FANCI: variants seen among roughly 807,000 people sequenced by gnomAD.
The protein encoded by FANCI is FA complementation group I.
Under a neutral mutation model 176.1 loss-of-function variants are expected in FANCI, and 156 were observed. The ratio of observed to expected loss-of-function variants is 0.89; its 90% CI spans 0.78 to 1.01. FANCI has a LOEUF of 1.01. Ranked by LOEUF, FANCI falls within the 50% of genes least tolerant of loss-of-function variation. The pLI is 0.00. For synonymous variants in FANCI, 613 were observed against 541.7 expected (o/e 1.13, Z -1.83); for missense variants, 1,678 against 1,534.1 (o/e 1.09, Z -1.57).
At chr15:89,293,214 C>G in intron 22 of FANCI, 151 bp downstream of exon 22, 2 of 853,598 alleles carry the variant, frequency 2.3e-6, no homozygotes, top group South Asian at 3.1e-5. Context: ...AAACTGTGTT[C>G]TTTCCACTAG....
At chr15:89,286,462 T>A (rs1410336255) in intron 18 of FANCI, among the ~76,000 whole-genome samples, 1 of 152,242 alleles carries the variant, frequency 6.6e-6, no homozygotes, top group Non-Finnish European at 1.5e-5. Context: ...TGGTAGCATA[T>A]GTGAAAACAA....
intron 8 of FANCI, among the ~76,000 whole-genome samples, chr15:89,264,276 C>T (rs558246404): frequency 2.0e-5 from 3 of 152,178 alleles, no homozygotes; most frequent in Admixed American, 6.5e-5. Context: ...ATTTTCTTTG[C>T]GGAGGTAAAA....
intron 24 of FANCI, among the ~76,000 whole-genome samples, chr15:89,296,811 AC>A (rs1193982367): frequency 2.1e-5 from 3 of 139,992 alleles, no homozygotes; most frequent in African/African-American, 8.0e-5. Flanking sequence ...TGGGGGGCTG[AC>A]CCCCCCACCT....
At chr15:89,287,780 G>T (rs1044170832) in intron 18 of FANCI, among the ~76,000 whole-genome samples, 4 of 152,138 alleles carry the variant, frequency 2.6e-5, no homozygotes, top group African/African-American at 9.7e-5. Context: ...GAGGCCTGAG[G>T]AGAGGTGGAG....
At position 89,263,397 on chromosome 15, in the gene FANCI, CTT is replaced by C; in HGVS notation, c.504-20_504-19del. ...TCTAAATAAGTTGTAAAGAAATAAA[CTT>C]TGTCATTTTCTTCTACCAGGTGGGA... On this transcript the variant is annotated intron_variant, in intron 6 of 37. Coordinates refer to ENST00000310775, the MANE Select transcript of FANCI (RefSeq NM_001113378.2). 6.2e-7 allele frequency: 1 copy of C among 1,605,870 alleles called. No homozygotes were observed. The highest frequency in any genetic ancestry group is 1.3e-5 in the African/African-American group (1 of 74,852).
intron 26 of FANCI, among the ~76,000 whole-genome samples, 199 bp from the exon 27 acceptor site, chr15:89,301,127 C>T (rs527738078): frequency 6.6e-6 from 1 of 152,210 alleles, no homozygotes. Flanking sequence ...CAGGAGCATT[C>T]TCAGAGAGGT....
intron 34 of FANCI, among the ~76,000 whole-genome samples, chr15:89,311,502 A>G (rs950021037): frequency 6.6e-6 from 1 of 151,528 alleles, no homozygotes; most frequent in African/African-American, 2.4e-5. Context: ...GGGTTGATCT[A>G]AGGAGTTCCA....
rs556809079 is a variant in FANCI at position 89,295,767 on chromosome 15, GTTTTGGCTTTTT to G, written c.2636+688_2636+699del. 6.6e-3 allele frequency among the ~76,000 whole-genome samples: 811 copies of G among 121,972 alleles called. 5 individuals are homozygous for G. Among genetic ancestry groups the G allele is most frequent in the Non-Finnish European group, 0.011 (649 of 59,180 alleles). 80.0% of individuals were successfully genotyped at this position (121,972 alleles called of 152,430 possible). A position where few individuals can be genotyped will look rare whatever the true frequency, so the allele number is the denominator to read the frequency against. On this transcript the variant is annotated intron_variant, in intron 24 of 37. Coordinates refer to ENST00000310775, the MANE Select transcript of FANCI (RefSeq NM_001113378.2). Reference sequence around the variant, plus strand: ...CCTTTTTTTTTTTGTTGTTGTTGTTGTTTTGGCTTTTTTTTTGGCTTTTTTTGAGAGAGTCTC... The same window carrying G: ...CCTTTTTTTTTTTGTTGTTGTTGTTGTTTTGGCTTTTTTTGAGAGAGTCTC...
chr15:89,269,069 T>G (rs2053095896), intron 10 of FANCI, among the ~76,000 whole-genome samples: 1 of 152,230 alleles, frequency 6.6e-6, no homozygotes, highest in African/African-American at 2.4e-5. Flanking sequence ...CTTTTTAGTT[T>G]GAAAATTCTA....
intron 20 of FANCI, 73 bp from the exon 21 acceptor site, chr15:89,292,615 G>C: frequency 7.0e-7 from 1 of 1,420,780 alleles, no homozygotes. Context: ...AGAATTATTT[G>C]CTGGTTATGA....
chr15:89,298,231 T>A (rs998754346), intron 24 of FANCI, among the ~76,000 whole-genome samples: 2 of 152,010 alleles, frequency 1.3e-5, no homozygotes, highest in South Asian at 4.2e-4. Context: ...GTGCACATGG[T>A]GTATTCACCA....
At chr15:89,310,639 A>G (rs1484170563) in intron 34 of FANCI, among the ~76,000 whole-genome samples, 1 of 152,266 alleles carries the variant, frequency 6.6e-6, no homozygotes, top group Non-Finnish European at 1.5e-5. Flanking sequence ...GCAAGAGCCC[A>G]TGCATGGTTC....
At chr15:89,310,883 G>A (rs2054927812) in intron 34 of FANCI, among the ~76,000 whole-genome samples, 4 of 152,192 alleles carry the variant, frequency 2.6e-5, no homozygotes, top group Admixed American at 2.6e-4. Context: ...CCAGCACTTT[G>A]GGAGGCCGAG....
In FANCI at chr15:89,289,725, T is replaced by G. The variant is rs2053985954; in HGVS notation, c.1822-488T>G. On this transcript the variant is annotated intron_variant, in intron 18 of 37. Transcript: ENST00000310775. The stretch of plus-strand genomic sequence containing the variant: ...ATGAAAGTTCTCCCCAGGATTTTTT[T>G]TTTTTTTAAGACAGAGTTTTGCTCT... Among the ~76,000 whole-genome samples the G allele has an allele frequency of 2.0e-5, 3 of 152,170 alleles. 1 individual carries two copies. The South Asian group carries it at 6.2e-4, about 32-fold the overall frequency.
In FANCI at chr15:89,283,211, G is replaced by A. The variant is rs1419222069; in HGVS notation, c.1659G>A (p.Leu553=). Residue 553 remains leucine (L), a synonymous_variant, in exon 17 of 38, where the codon CTG becomes CTA. Coordinates refer to ENST00000310775, the MANE Select transcript of FANCI (RefSeq NM_001113378.2). ...AGAACTTTAAAGTTTTAGGCAGCCT[G>A]TCATCCTCTCAGTGCAGTCAGTCTC... ...LLKNFKVLGS[L]SSSQCSQSLS... is the part of the protein sequence containing the mutation. 2 of 1,614,162 alleles carry A rather than the reference G, an allele frequency of 1.2e-6. No homozygotes were observed. The highest frequency in any genetic ancestry group is 1.1e-5 in the South Asian group (1 of 91,084).
At chr15:89,311,692 A>T (rs2054969827) in intron 34 of FANCI, among the ~76,000 whole-genome samples, 1 of 152,124 alleles carries the variant, frequency 6.6e-6, no homozygotes, top group Non-Finnish European at 1.5e-5. Flanking sequence ...GAATGTCTGC[A>T]GTTCCTTATT....
chr15:89,263,554 C>G (rs1470481350), intron 7 of FANCI, 94 bp downstream of exon 7: 2 of 1,075,108 alleles, frequency 1.9e-6, no homozygotes, highest in Non-Finnish European at 2.9e-6. Flanking sequence ...ATCACTCTCT[C>G]CTGATTGTAA....
In FANCI at chr15:89,316,756, G is replaced by A. The variant is rs759405334; in HGVS notation, c.*297G>A. 23 of 1,611,946 alleles carry A rather than the reference G, an allele frequency of 1.4e-5. No homozygotes were observed. Among genetic ancestry groups the A allele is most frequent in the Non-Finnish European group, 2.0e-5 (23 of 1,177,988 alleles). ...TACAGAGCCTCCAGGCAGTGCTATG[G>A]TCCAGGCTGGCTTCGTTTTTCCAAG... is the stretch of plus-strand genomic sequence containing the variant. On this transcript the variant is annotated 3_prime_UTR_variant, in exon 38 of 38. Coordinates refer to ENST00000310775, the MANE Select transcript of FANCI (RefSeq NM_001113378.2).
rs778641563 is a variant in FANCI, at chr15:89,305,098, T to A, written c.3059-17T>A. 9 of 1,613,586 alleles carry A rather than the reference T, an allele frequency of 5.6e-6. No homozygotes were observed. Among genetic ancestry groups the A allele is most frequent in the Middle Eastern group, 1.6e-4 (1 of 6,082 alleles). On this transcript the variant is annotated splice_polypyrimidine_tract_variant and intron_variant, in intron 28 of 37. Coordinates refer to ENST00000310775, the MANE Select transcript of FANCI (RefSeq NM_001113378.2). ...GCCACAACTTACCTTTTAATTTGCT[T>A]TTCTTCCTATTCCTAGAGGATGCCT...
Sources: allele counts gnomAD v4.1 joint callset (sites outside exome capture counted in the v4.1 genomes callset), GRCh38; gene constraint gnomAD v4.1.1; transcripts MANE v1.5; gene names NCBI Gene and HGNC (gene_info 2026-07-23, HGNC 2026-07-21).